RNF2: variants seen among roughly 807,000 people sequenced by gnomAD.
RNF2 encodes the protein E3 ubiquitin-protein ligase RING2.
In RNF2, 6 loss-of-function variants were observed where a neutral mutation model predicts 37.2. The ratio of observed to expected loss-of-function variants is 0.16; its 90% CI spans 0.09 to 0.32. The LOEUF (loss-of-function observed/expected upper bound fraction) is 0.32, where lower values mean the gene tolerates loss of function less well. RNF2 is among the 10% of genes least tolerant of loss of function. The probability of loss-of-function intolerance (pLI) is 1.00; values close to 1 mark genes in which losing one functional copy is unlikely to be tolerated. For missense variants in RNF2, 251 were observed against 404.0 expected, an observed-to-expected ratio of 0.62 and a Z score of 3.25; for synonymous variants, 133 against 132.7, an observed-to-expected ratio of 1.00 and a Z score of -0.02.
At chr1:185,067,708 CT>C (rs753063280) in intron 1 of RNF2, among the ~76,000 whole-genome samples, 23,782 of 120,942 alleles carry the variant, frequency 0.2, 1,358 homozygotes, top group African/African-American at 0.22. Context: ...TAAAAGTATC[CT>C]TTTTTTTTTT....
intron 1 of RNF2, among the ~76,000 whole-genome samples, chr1:185,051,900 G>A (rs1273851091): frequency 1.4e-5 from 2 of 146,820 alleles, no homozygotes; most frequent in African/African-American, 2.5e-5. Context: ...GTAAAAAGTC[G>A]TATTTGTATT....
At chr1:185,084,127 G>A (rs1024233047) in intron 1 of RNF2, among the ~76,000 whole-genome samples, 4 of 151,614 alleles carry the variant, frequency 2.6e-5, no homozygotes, top group African/African-American at 7.3e-5. Flanking sequence ...TTTTTTTTGA[G>A]GAGATGGCTT....
chr1:185,061,372 A>G (rs6679466), intron 1 of RNF2, among the ~76,000 whole-genome samples: 4,038 of 150,718 alleles, frequency 0.027, 140 homozygotes, highest in African/African-American at 0.09. Context: ...TTAAAAGGGG[A>G]AAAAAAAAGG....
chr1:185,075,849 A>G (rs909719430), intron 1 of RNF2, among the ~76,000 whole-genome samples: 4 of 152,254 alleles, frequency 2.6e-5, no homozygotes, highest in African/African-American at 7.2e-5. Flanking sequence ...ATCTTAAACC[A>G]TATCAACTAA....
chr1:185,051,928 TATAC>T (rs1457859613), intron 1 of RNF2, among the ~76,000 whole-genome samples: 2 of 147,442 alleles, frequency 1.4e-5, no homozygotes, highest in Admixed American at 6.8e-5. Flanking sequence ...ATATTTATAA[TATAC>T]ATATTATATA....
chr1:185,050,915 G>A (rs1650251212), intron 1 of RNF2, among the ~76,000 whole-genome samples: 1 of 152,178 alleles, frequency 6.6e-6, no homozygotes, highest in South Asian at 2.1e-4. Context: ...GGGATGGGGA[G>A]AAATTCCTCA....
chr1:185,065,644 C>T (rs758795563), intron 1 of RNF2, among the ~76,000 whole-genome samples: 5 of 152,136 alleles, frequency 3.3e-5, no homozygotes, highest in Non-Finnish European at 5.9e-5. Flanking sequence ...AGCGAGACCA[C>T]TAACTCACCG....
rs934894331 is a variant in RNF2 at position 185,082,007 on chromosome 1, C to T, written c.-2-5545C>T. 3.3e-5 allele frequency among the ~76,000 whole-genome samples: 5 copies of T among 152,160 alleles called. No homozygotes were observed. The East Asian group carries it at 5.8e-4, about 18-fold the overall frequency. On this transcript the variant is annotated intron_variant, in intron 1 of 6. Transcript: ENST00000367510. ...GAAGTGCTTCAGTCCAACCACTGAG[C>T]GGGTCGTCACTAGTTACCAAATAAA... is the stretch of plus-strand genomic sequence containing the variant.
At chr1:185,093,899 T>G (rs1439053237) in intron 4 of RNF2, among the ~76,000 whole-genome samples, 3 of 152,206 alleles carry the variant, frequency 2.0e-5, no homozygotes, top group Non-Finnish European at 2.9e-5. Flanking sequence ...CCAAATTATC[T>G]TACTCAGTTT....
chr1:185,098,043 T>G, intron 4 of RNF2, 29 bp from the exon 5 acceptor site: 4 of 1,604,774 alleles, frequency 2.5e-6, no homozygotes, highest in Non-Finnish European at 3.4e-6. Context: ...AAAGTAAATT[T>G]TATGCATCCT....
rs1470558517 is a variant in RNF2 at position 185,088,896 on chromosome 1, C to T, written c.87+1256C>T. On this transcript the variant is annotated intron_variant, in intron 2 of 6. Coordinates refer to ENST00000367510, the MANE Select transcript of RNF2 (RefSeq NM_007212.4). ...GATTTAAAGCAGCATGCCCAGGGAC[C>T]AGTTTCATCCATGTGCTAATAAGTA... 2.0e-5 allele frequency among the ~76,000 whole-genome samples: 3 copies of T among 151,878 alleles called. No individual in the cohort carries two copies. In the East Asian group the frequency reaches 5.8e-4, roughly 29 times the overall value.
At position 185,075,591 on chromosome 1, in the gene RNF2, G is replaced by A. The variant is rs1651123223; in HGVS notation, c.-2-11961G>A. ...CTGTACAGGAAGCATGGCTGGGGGA[G>A]GCCTCAGGAAACTTACATTCATGGT... On this transcript the variant is annotated intron_variant, in intron 1 of 6. Coordinates refer to ENST00000367510, the MANE Select transcript of RNF2 (RefSeq NM_007212.4). 2.6e-5 allele frequency among the ~76,000 whole-genome samples: 4 copies of A among 152,208 alleles called. No homozygotes were observed. The South Asian group carries it at 6.2e-4, about 24-fold the overall frequency.
At chr1:185,073,696 A>G (rs147396769) in intron 1 of RNF2, among the ~76,000 whole-genome samples, 1,855 of 152,356 alleles carry the variant, frequency 0.012, 20 homozygotes, top group Non-Finnish European at 0.016. Context: ...AGGTAAGACA[A>G]TTACATCAGC....
chr1:185,066,991 G>A (rs947316039), intron 1 of RNF2, among the ~76,000 whole-genome samples: 1 of 152,184 alleles, frequency 6.6e-6, no homozygotes, highest in African/African-American at 2.4e-5. Flanking sequence ...CTTAGTTATA[G>A]AGAGTCTAGA....
chr1:185,069,111 C>T (rs1321520286), intron 1 of RNF2, among the ~76,000 whole-genome samples: 3 of 152,098 alleles, frequency 2.0e-5, no homozygotes, highest in Non-Finnish European at 4.4e-5. Flanking sequence ...GCTCTTTTGC[C>T]TGTTAATGTG....
At chr1:185,089,545 A>G (rs779092216) in intron 2 of RNF2, among the ~76,000 whole-genome samples, 4 of 152,172 alleles carry the variant, frequency 2.6e-5, no homozygotes, top group Non-Finnish European at 5.9e-5. Flanking sequence ...ATCATGGTGC[A>G]TTCTCATCAT....
chr1:185,070,910 T>G (rs1650953529), intron 1 of RNF2, among the ~76,000 whole-genome samples: 1 of 152,190 alleles, frequency 6.6e-6, no homozygotes, highest in Non-Finnish European at 1.5e-5. Context: ...TGCTTGGGAT[T>G]ACAGGCGTGA....
At chr1:185,081,362 T>G (rs1374705810) in intron 1 of RNF2, among the ~76,000 whole-genome samples, 1 of 151,338 alleles carries the variant, frequency 6.6e-6, no homozygotes, top group Non-Finnish European at 1.5e-5. Context: ...ATGACTATGG[T>G]GGGTGAGGCA....
chr1:185,091,539 A>C (rs1402240120), intron 2 of RNF2, 40 bp from the exon 3 acceptor site: 2 of 1,599,802 alleles, frequency 1.3e-6, no homozygotes, highest in Non-Finnish European at 8.5e-7. Flanking sequence ...CCATAATAAA[A>C]AATTAAGTAG....
Sources: gnomAD v4.1 joint callset for allele counts (sites outside exome capture counted in the v4.1 genomes callset) on GRCh38, gnomAD v4.1.1 for gene constraint, MANE v1.5 for transcripts, NCBI Gene and HGNC (gene_info 2026-07-23, HGNC 2026-07-21) for gene names.